The following SUSD1 variants were observed in gnomAD, a reference collection of about 807,000 sequenced individuals.
SUSD1 encodes sushi domain-containing protein 1.
SUSD1 carries 65 observed loss-of-function variants against 86.9 expected under a neutral mutation model. The observed-to-expected ratio is 0.75, with a 90% CI of 0.61 to 0.92. The LOEUF (loss-of-function observed/expected upper bound fraction) is 0.92. Among genes scored for constraint, SUSD1 ranks in the 40% least tolerant of loss-of-function variants. The pLI is 0.00. For synonymous variants in SUSD1, 346 were observed against 350.0 expected (o/e 0.99, Z 0.13); for missense variants, 850 against 929.7 (o/e 0.91, Z 1.11).
At chr9:112,161,626 C>T (rs898275671) in intron 1 of SUSD1, among the ~76,000 whole-genome samples, 1 of 151,930 alleles carries the variant, frequency 6.6e-6, no homozygotes, top group African/African-American at 2.4e-5. Flanking sequence ...AGTTTGAGAC[C>T]AGCCTGGTCA....
chr9:112,062,182 C>A (rs188619211), intron 13 of SUSD1, among the ~76,000 whole-genome samples: 2 of 152,270 alleles, frequency 1.3e-5, no homozygotes, highest in East Asian at 3.9e-4. Flanking sequence ...TGCACACCCC[C>A]CAAGATCAAC....
At chr9:112,082,202 T>C (rs146976415) in intron 10 of SUSD1, among the ~76,000 whole-genome samples, 7 of 152,262 alleles carry the variant, frequency 4.6e-5, no homozygotes, top group African/African-American at 1.7e-4. Context: ...TAATCAAACA[T>C]GAAACTGTTT....
chr9:112,169,298 G>T (rs1046007409), intron 1 of SUSD1: 2 of 151,954 alleles, frequency 1.3e-5, no homozygotes, highest in African/African-American at 4.8e-5. Context: ...CTGGTCCAAA[G>T]GTAGTGAGTT....
chr9:112,148,435 C>T (rs1422749498), intron 3 of SUSD1, among the ~76,000 whole-genome samples: 1 of 152,118 alleles, frequency 6.6e-6, no homozygotes, highest in African/African-American at 2.4e-5. Context: ...GGGAGGCAAG[C>T]CCACATCTCT....
intron 3 of SUSD1, among the ~76,000 whole-genome samples, chr9:112,144,905 C>T (rs1439637740): frequency 2.0e-5 from 3 of 152,068 alleles, no homozygotes. Flanking sequence ...AATCTCTCTT[C>T]CAGTTAGTAG....
At chr9:112,162,514 G>A (rs370127072) in intron 1 of SUSD1, among the ~76,000 whole-genome samples, 3 of 152,052 alleles carry the variant, frequency 2.0e-5, no homozygotes, top group Admixed American at 6.6e-5. Flanking sequence ...ATAAACACGC[G>A]GTTCAAAGGC....
chr9:112,083,219 C>T (rs1038564118), intron 10 of SUSD1, among the ~76,000 whole-genome samples: 5 of 152,048 alleles, frequency 3.3e-5, no homozygotes, highest in Non-Finnish European at 5.9e-5. Flanking sequence ...AAAACTTACA[C>T]GAAGATTTTA....
chr9:112,064,820 G>A (rs1828902854), intron 12 of SUSD1, among the ~76,000 whole-genome samples: 4 of 149,674 alleles, frequency 2.7e-5, no homozygotes, highest in Admixed American at 2.0e-4. Context: ...AGGTTGCAGT[G>A]AGCCAAGATC....
intron 1 of SUSD1, among the ~76,000 whole-genome samples, chr9:112,165,038 G>A (rs2131844489): frequency 6.6e-6 from 1 of 152,354 alleles, no homozygotes; most frequent in South Asian, 2.1e-4. Flanking sequence ...GTCTGGGGAG[G>A]AGCCCTATAT....
chr9:112,169,744 G>A (rs1204205976), intron 1 of SUSD1, among the ~76,000 whole-genome samples: 2 of 148,526 alleles, frequency 1.3e-5, no homozygotes, highest in Non-Finnish European at 3.0e-5. Context: ...GCATGATCTC[G>A]GCTCACTGCA....
At chr9:112,149,151 A>G in intron 3 of SUSD1, 93 bp downstream of exon 3, 1 of 1,510,964 alleles carries the variant, frequency 6.6e-7, no homozygotes, top group South Asian at 1.3e-5. Flanking sequence ...ATCTAACAAA[A>G]CTAACATTAA....
chr9:112,049,594 C>A (rs1828103445), intron 15 of SUSD1, among the ~76,000 whole-genome samples: 1 of 152,114 alleles, frequency 6.6e-6, no homozygotes, highest in Admixed American at 6.5e-5. Context: ...GGGCAAAGGC[C>A]AGAATGGGGC....
chr9:112,125,059 A>C (rs542691651), intron 5 of SUSD1, among the ~76,000 whole-genome samples: 1 of 152,306 alleles, frequency 6.6e-6, no homozygotes, highest in South Asian at 2.1e-4. Flanking sequence ...CAGCCAAACT[A>C]TACTTCACTT....
rs779959095 is a variant in SUSD1, at chr9:112,157,594, A to C, written c.123T>G (p.Thr41=). The C allele has an allele frequency of 1.2e-6, 2 of 1,613,954 alleles. No individual in the cohort carries two copies. The highest frequency in any genetic ancestry group is 2.2e-5 in the South Asian group (2 of 91,072). ...PGPDGLDVCA[T]CHEHATCQQR... is the part of the protein sequence containing the mutation. ...GCTGGCATGTGGCATGTTCATGGCA[A>C]GTGGCACAGACGTCTAAACCTGAAT... The change falls in exon 2 of 17, where the codon ACT becomes ACG. Residue 41 remains threonine, a synonymous_variant. Coordinates refer to ENST00000374270, the MANE Select transcript of SUSD1 (RefSeq NM_022486.5).
At chr9:112,134,644 G>C (rs1832178821) in intron 5 of SUSD1, among the ~76,000 whole-genome samples, 1 of 151,874 alleles carries the variant, frequency 6.6e-6, no homozygotes, top group Non-Finnish European at 1.5e-5. Flanking sequence ...CTAACTGTTG[G>C]GTACCATGCT....
At chr9:112,112,323 G>T (rs927383111) in intron 7 of SUSD1, among the ~76,000 whole-genome samples, 7 of 152,146 alleles carry the variant, frequency 4.6e-5, no homozygotes, top group African/African-American at 1.7e-4. Context: ...CTTTTTAAAT[G>T]ACAATGGGAT....
At chr9:112,127,761 A>G (rs1330365453) in intron 5 of SUSD1, among the ~76,000 whole-genome samples, 1 of 152,252 alleles carries the variant, frequency 6.6e-6, no homozygotes, top group Non-Finnish European at 1.5e-5. Context: ...ATATAGAAAT[A>G]ATAATAACAA....
In SUSD1 at chr9:112,052,437, A is replaced by T. The variant is rs1828256583; in HGVS notation, c.2111T>A (p.Val704Glu). 6.2e-7 allele frequency: 1 copy of T among 1,613,932 alleles called. No individual in the cohort carries two copies. The highest frequency in any genetic ancestry group is 1.1e-5 in the South Asian group (1 of 91,088). Residue 704 changes from valine to glutamate, a missense_variant and splice_region_variant, in exon 15 of 17, where the codon GTG becomes GAG. Physicochemically the swap from Val to Glu is moderately radical, Grantham distance 121. Coordinates refer to ENST00000374270, the MANE Select transcript of SUSD1 (RefSeq NM_022486.5). ...ILRITSEWNK[V>E]RRHSCAVWAQ... Reference sequence around the variant, plus strand: ...CCAAACTGCACAGGAGTGTCTTCTCACCTATAAAGGAAAACATAGCAATGC... The same window carrying T: ...CCAAACTGCACAGGAGTGTCTTCTCTCCTATAAAGGAAAACATAGCAATGC...
Position 112,157,587 on chromosome 9 carries a change from C to A in SUSD1, c.130G>T (p.Glu44Ter). 1 of 1,614,094 alleles carries A rather than the reference C, an allele frequency of 6.2e-7. No homozygotes were observed. The highest frequency in any genetic ancestry group is 8.5e-7 in the Non-Finnish European group (1 of 1,179,984). ...TCTCTTTGCTGGCATGTGGCATGTTCATGGCAAGTGGCACAGACGTCTAAA... is the reference window on the plus strand; with the variant it reads ...TCTCTTTGCTGGCATGTGGCATGTTAATGGCAAGTGGCACAGACGTCTAAA... Reference protein sequence around the residue: ...DGLDVCATCHEHATCQQREGK... With the variant: ...DGLDVCATCH The change falls in exon 2 of 17, where the codon GAA (glutamate) becomes TAA (stop). Residue 44 changes from glutamate to a stop codon, truncating the protein, a stop_gained. Coordinates refer to ENST00000374270, the MANE Select transcript of SUSD1 (RefSeq NM_022486.5). LOFTEE classifies it high-confidence loss of function.
Sources: gnomAD v4.1 joint callset for allele counts (sites outside exome capture counted in the v4.1 genomes callset) on GRCh38, gnomAD v4.1.1 for gene constraint, MANE v1.5 for transcripts, NCBI Gene and HGNC (gene_info 2026-07-23, HGNC 2026-07-21) for gene names.